The following RAB12 variants were observed in gnomAD, a reference collection of about 807,000 sequenced individuals.
The protein encoded by RAB12 is ras-related protein Rab-12.
A neutral mutation model predicts 28.4 loss-of-function variants in RAB12; 11 were observed. The ratio of observed to expected loss-of-function variants is 0.39; its 90% confidence interval spans 0.24 to 0.64. The LOEUF (loss-of-function observed/expected upper bound fraction) is 0.64. Ranked by LOEUF, RAB12 falls within the 30% of genes least tolerant of loss-of-function variation. The pLI is 0.50. For synonymous variants in RAB12, 138 were observed against 145.3 expected, an observed-to-expected ratio of 0.95 and a Z score of 0.36; for missense variants, 276 against 351.1, an observed-to-expected ratio of 0.79 and a Z score of 1.71.
intron 2 of RAB12, among the ~76,000 whole-genome samples, chr18:8,630,318 T>G (rs1358105360): frequency 6.6e-6 from 1 of 152,246 alleles, no homozygotes; most frequent in Non-Finnish European, 1.5e-5. Context: ...TAGGTAGATT[T>G]AAACATATTC....
chr18:8,621,448 A>G (rs1199244617), intron 1 of RAB12, among the ~76,000 whole-genome samples: 1 of 152,154 alleles, frequency 6.6e-6, no homozygotes, highest in Admixed American at 6.5e-5. Context: ...TAGGTATAGG[A>G]TATTTTGTTT....
chr18:8,617,238 A>G (rs186723288), intron 1 of RAB12, among the ~76,000 whole-genome samples: 2 of 152,346 alleles, frequency 1.3e-5, no homozygotes, highest in Admixed American at 1.3e-4. Context: ...TGTAGATCCG[A>G]AAACTCTGAA....
intron 1 of RAB12, among the ~76,000 whole-genome samples, chr18:8,611,580 G>A (rs774842469): frequency 2.0e-5 from 3 of 152,134 alleles, no homozygotes; most frequent in Non-Finnish European, 1.5e-5. Flanking sequence ...TGGATGCTGC[G>A]AGACCTTGAC....
intron 1 of RAB12, among the ~76,000 whole-genome samples, chr18:8,615,286 C>T (rs2096006143): frequency 1.3e-5 from 2 of 152,172 alleles, no homozygotes; most frequent in African/African-American, 4.8e-5. Context: ...GGGTCTTCAC[C>T]TGGAAATTGA....
chr18:8,624,792 G>T, intron 1 of RAB12, 146 bp from the exon 2 acceptor site: 2 of 618,162 alleles, frequency 3.2e-6, no homozygotes, highest in Non-Finnish European at 2.9e-6. Context: ...TGCAGATACT[G>T]CTTTTCCTTG....
intron 1 of RAB12, among the ~76,000 whole-genome samples, chr18:8,610,779 G>A (rs2096003350): frequency 6.6e-6 from 1 of 152,202 alleles, no homozygotes; most frequent in African/African-American, 2.4e-5. Context: ...CAAACTAGGA[G>A]AACCCCGTTC....
chr18:8,637,898 T>G (rs1348775932), intron 5 of RAB12, among the ~76,000 whole-genome samples: 1 of 152,178 alleles, frequency 6.6e-6, no homozygotes, highest in Non-Finnish European at 1.5e-5. Flanking sequence ...ATAAAGGTCT[T>G]CATCTGTGTC....
At chr18:8,622,434 G>T (rs939607087) in intron 1 of RAB12, among the ~76,000 whole-genome samples, 2 of 152,150 alleles carry the variant, frequency 1.3e-5, no homozygotes, top group Non-Finnish European at 2.9e-5. Context: ...CAGGGGAGAC[G>T]TCACATGTCG....
intron 3 of RAB12, chr18:8,635,192 AT>A (rs2096018171): frequency 6.0e-6 from 1 of 165,720 alleles, no homozygotes; most frequent in Non-Finnish European, 1.3e-5. Flanking sequence ...TTCTTGAGCC[AT>A]TTTGTTTGAC....
chr18:8,633,060 G>A, intron 2 of RAB12, 129 bp from the exon 3 acceptor site: 3 of 1,139,896 alleles, frequency 2.6e-6, no homozygotes, highest in Non-Finnish European at 3.9e-6. Flanking sequence ...TCAGGTCAAA[G>A]GGAAATAGGG....
intron 5 of RAB12, 83 bp from the exon 6 acceptor site, chr18:8,638,066 A>G: frequency 2.5e-6 from 2 of 801,138 alleles, no homozygotes; most frequent in African/African-American, 1.7e-5. Flanking sequence ...GGACCTGTGC[A>G]GTTGAAACTC....
In RAB12 at chr18:8,638,322, C is replaced by T; in HGVS notation, c.*60C>T. On this transcript the variant is annotated 3_prime_UTR_variant, in exon 6 of 6. Coordinates refer to ENST00000649141, the MANE Select transcript of RAB12 (RefSeq NM_001025300.3). ...TGGAAAGGGGAAAAAACGTTCTATT[C>T]TGCACTACAATCATTTTGACAATTT... is the stretch of plus-strand genomic sequence containing the variant. The T allele has an allele frequency of 2.6e-6, 3 of 1,146,782 alleles. No individual in the cohort carries two copies. The highest frequency in any genetic ancestry group is 4.7e-5 in the East Asian group (2 of 42,296). 71.0% of individuals were successfully genotyped at this position (1,146,782 alleles called of 1,614,324 possible).
At chr18:8,621,252 A>G (rs1250479480) in intron 1 of RAB12, among the ~76,000 whole-genome samples, 1 of 152,212 alleles carries the variant, frequency 6.6e-6, no homozygotes, top group Non-Finnish European at 1.5e-5. Context: ...ATTGAGGATC[A>G]TTATCACTTC....
At chr18:8,610,060 G>A (rs756727585) in intron 1 of RAB12, 107 bp downstream of exon 1, 2 of 813,518 alleles carry the variant, frequency 2.5e-6, no homozygotes, top group East Asian at 6.1e-5. Context: ...TTCGGGGATG[G>A]GCCTCTCGGT....
chr18:8,610,525 C>G (rs757675289), intron 1 of RAB12, among the ~76,000 whole-genome samples: 5 of 152,246 alleles, frequency 3.3e-5, no homozygotes, highest in Non-Finnish European at 7.3e-5. Flanking sequence ...TCCATGACCT[C>G]AAACAACCCG....
intron 3 of RAB12, chr18:8,635,158 G>A (rs929214577): frequency 1.3e-5 from 2 of 158,300 alleles, no homozygotes; most frequent in Non-Finnish European, 2.8e-5. Context: ...TTTTTTAAAT[G>A]CCTGTGTTTT....
intron 1 of RAB12, among the ~76,000 whole-genome samples, chr18:8,611,717 G>C (rs1421158271): frequency 4.6e-4 from 70 of 152,164 alleles, no homozygotes; most frequent in Admixed American, 4.6e-3. Flanking sequence ...GAAGAGCTGC[G>C]GAGGATGCTT....
At chr18:8,617,314 C>A (rs1394090912) in intron 1 of RAB12, among the ~76,000 whole-genome samples, 1 of 152,188 alleles carries the variant, frequency 6.6e-6, no homozygotes, top group East Asian at 1.9e-4. Context: ...ATATAAATTT[C>A]AAAATGTAAT....
rs1299402907 is a variant in RAB12, at chr18:8,638,900, A to T, written c.*638A>T. On this transcript the variant is annotated 3_prime_UTR_variant, in exon 6 of 6. Transcript: ENST00000649141. ...AATCTCTCTCATGGCTTCCTAAGGGATGTACCTTTATGCTTTTAAGAACTA... is the reference window on the plus strand; with the variant it reads ...AATCTCTCTCATGGCTTCCTAAGGGTTGTACCTTTATGCTTTTAAGAACTA... 6.6e-6 allele frequency: 1 copy of T among 152,232 alleles called. No individual in the cohort carries two copies. The highest frequency in any genetic ancestry group is 2.4e-5 in the African/African-American group (1 of 41,442). The allele number at this position is 152,232 out of a possible 1,614,324, so 9.4% of individuals were successfully genotyped here.
Sources: allele counts gnomAD v4.1 joint callset (sites outside exome capture counted in the v4.1 genomes callset), GRCh38; gene constraint gnomAD v4.1.1; transcripts MANE v1.5; gene names NCBI Gene and HGNC (gene_info 2026-07-23, HGNC 2026-07-21).